The following SNX7 variants were observed in gnomAD, a reference collection of about 807,000 sequenced individuals.
SNX7 encodes sorting nexin-7.
SNX7 carries 35 observed loss-of-function variants against 48.4 expected under a neutral mutation model. That is an observed-to-expected ratio of 0.72 (90% CI 0.55 to 0.96). The LOEUF is 0.96. Ranked by LOEUF, SNX7 falls within the 40% of genes least tolerant of loss-of-function variation. The pLI is 0.00. For synonymous variants in SNX7, 190 were observed against 190.2 expected (o/e 1.00, Z 0.01); for missense variants, 553 against 548.9 (o/e 1.01, Z -0.07).
chr1:98,737,614 G>A (rs968777026), intron 7 of SNX7, among the ~76,000 whole-genome samples: 41 of 152,146 alleles, frequency 2.7e-4, no homozygotes, highest in African/African-American at 9.9e-4. Flanking sequence ...AGTTGATAAG[G>A]TGGGGAAGAG....
At chr1:98,699,106 C>CA (rs1651620227) in intron 6 of SNX7, among the ~76,000 whole-genome samples, 1 of 152,126 alleles carries the variant, frequency 6.6e-6, no homozygotes, top group African/African-American at 2.4e-5. Flanking sequence ...CAGGAATACT[C>CA]AATAGCAACA....
intron 8 of SNX7, among the ~76,000 whole-genome samples, chr1:98,757,872 G>A (rs562677760): frequency 6.6e-6 from 1 of 152,146 alleles, no homozygotes; most frequent in South Asian, 2.1e-4. Flanking sequence ...TCACAAACAT[G>A]CAGAGATTTA....
chr1:98,753,645 T>C (rs915875496), intron 8 of SNX7, among the ~76,000 whole-genome samples: 4 of 152,126 alleles, frequency 2.6e-5, no homozygotes, highest in East Asian at 3.9e-4. Context: ...GTAATTGCTT[T>C]GGGGCTGCCC....
intron 6 of SNX7, among the ~76,000 whole-genome samples, chr1:98,700,138 G>A (rs1315472900): frequency 5.9e-5 from 9 of 152,096 alleles, no homozygotes; most frequent in Non-Finnish European, 1.3e-4. Context: ...ATAGGTCCTC[G>A]TTTGATTGAA....
intron 1 of SNX7, among the ~76,000 whole-genome samples, chr1:98,671,582 G>A (rs1185070529): frequency 1.3e-5 from 2 of 151,922 alleles, no homozygotes; most frequent in Non-Finnish European, 2.9e-5. Context: ...CATTTTGGGT[G>A]AATGATTTTT....
At chr1:98,690,931 A>G in intron 2 of SNX7, 144 bp from the exon 3 acceptor site, 1 of 452,388 alleles carries the variant, frequency 2.2e-6, no homozygotes, top group Non-Finnish European at 3.7e-6. Flanking sequence ...AAAAGAAAAA[A>G]ATTACAGGCT....
At position 98,712,880 on chromosome 1, in the gene SNX7, T is replaced by C. The variant is rs566061188; in HGVS notation, c.1125+10977T>C. Among the ~76,000 whole-genome samples, 5 of 151,942 alleles carry C rather than the reference T, an allele frequency of 3.3e-5. No homozygotes were observed. In the East Asian group the frequency reaches 7.8e-4, roughly 24 times the overall value. ...GCTGAGGCGGGCACATCACCTGAGG[T>C]TGGGAGTTCGAAATGAGCCTGACCA... On this transcript the variant is annotated intron_variant, in intron 7 of 8. Coordinates refer to ENST00000306121, the MANE Select transcript of SNX7 (RefSeq NM_015976.5).
intron 1 of SNX7, among the ~76,000 whole-genome samples, chr1:98,682,754 G>A (rs952040609): frequency 2.0e-5 from 3 of 152,242 alleles, no homozygotes; most frequent in South Asian, 2.1e-4. Flanking sequence ...ATGCTTGTAG[G>A]AGTACTACCT....
intron 7 of SNX7, among the ~76,000 whole-genome samples, chr1:98,714,627 A>C (rs1408158745): frequency 1.3e-5 from 2 of 152,212 alleles, no homozygotes; most frequent in Non-Finnish European, 2.9e-5. Context: ...GAGCTGAATC[A>C]TCATAAGGGG....
chr1:98,718,087 G>A (rs1652683001), intron 7 of SNX7, among the ~76,000 whole-genome samples: 1 of 152,090 alleles, frequency 6.6e-6, no homozygotes, highest in Non-Finnish European at 1.5e-5. Context: ...AGTGCCAGAT[G>A]TGCGAATTAC....
chr1:98,739,031 C>T (rs138731789), intron 8 of SNX7, among the ~76,000 whole-genome samples: 8 of 152,136 alleles, frequency 5.3e-5, no homozygotes, highest in African/African-American at 1.4e-4. Flanking sequence ...CAACCTTTTT[C>T]GTACCAGGGA....
At chr1:98,662,143 C>T (rs561043250) in intron 1 of SNX7, 4 of 379,562 alleles carry the variant, frequency 1.1e-5, no homozygotes, top group East Asian at 3.8e-5. Flanking sequence ...GCACTTTGAC[C>T]TTCCGTTCGG....
chr1:98,733,641 C>A (rs1476478986), intron 7 of SNX7, among the ~76,000 whole-genome samples: 1 of 152,120 alleles, frequency 6.6e-6, no homozygotes, highest in East Asian at 1.9e-4. Flanking sequence ...TTTCAAGTTT[C>A]CTTTTCCTGA....
intron 6 of SNX7, 116 bp downstream of exon 6, chr1:98,699,021 T>C: frequency 2.4e-6 from 2 of 829,142 alleles, no homozygotes; most frequent in Non-Finnish European, 3.8e-6. Context: ...CAGGTTGTTT[T>C]GCATGTAGAT....
chr1:98,751,242 T>C lies in SNX7; in HGVS notation c.1279-8812T>C, dbSNP rs775065092. ...CTTTAGAAAACTTGATCACATCTGC[T>C]TGTGGGATTACTACCCACTTATGAG... On this transcript the variant is annotated intron_variant, in intron 8 of 8. Transcript: ENST00000306121. 1.1e-4 allele frequency among the ~76,000 whole-genome samples: 16 copies of C among 152,104 alleles called. 1 individual carries two copies. The highest frequency in any genetic ancestry group is 2.1e-4 in the Non-Finnish European group (14 of 67,996).
chr1:98,706,501 T>C (rs1652013512), intron 7 of SNX7, among the ~76,000 whole-genome samples: 1 of 152,048 alleles, frequency 6.6e-6, no homozygotes, highest in South Asian at 2.1e-4. Context: ...ATATAGAGCT[T>C]TATAAGGTTT....
chr1:98,698,650 G>A lies in SNX7; in HGVS notation c.839-56G>A. On this transcript the variant is annotated intron_variant, in intron 5 of 8. Coordinates refer to ENST00000306121, the MANE Select transcript of SNX7 (RefSeq NM_015976.5). ...CCCTTTCTTACTCTCTAGGATACAGGTATTTTGAAAACTTTTGTTTATTGA... is the reference window on the plus strand; with the variant it reads ...CCCTTTCTTACTCTCTAGGATACAGATATTTTGAAAACTTTTGTTTATTGA... 1.1e-5 allele frequency: 16 copies of A among 1,486,964 alleles called. No homozygotes were observed. In the South Asian group the frequency reaches 1.6e-4, roughly 15 times the overall value. 92.1% of individuals were successfully genotyped at this position (1,486,964 alleles called of 1,614,324 possible).
chr1:98,663,659 A>C (rs923779745), intron 1 of SNX7, among the ~76,000 whole-genome samples: 1 of 152,178 alleles, frequency 6.6e-6, no homozygotes, highest in Non-Finnish European at 1.5e-5. Context: ...AAGCTCTCTC[A>C]GACTAAGGAA....
chr1:98,723,452 T>C (rs1046269682), intron 7 of SNX7, among the ~76,000 whole-genome samples: 1 of 140,462 alleles, frequency 7.1e-6, no homozygotes, highest in East Asian at 1.9e-4. Flanking sequence ...TTTTAAAACA[T>C]TTTATGGCCT....
Sources: allele counts gnomAD v4.1 joint callset (sites outside exome capture counted in the v4.1 genomes callset), GRCh38; gene constraint gnomAD v4.1.1; transcripts MANE v1.5; gene names NCBI Gene and HGNC (gene_info 2026-07-23, HGNC 2026-07-21).